CCDC47: variants seen among roughly 807,000 people sequenced by gnomAD.
The protein encoded by CCDC47 is coiled-coil domain containing 47, also known as PAT complex subunit CCDC47.
A neutral mutation model predicts 60.5 loss-of-function variants in CCDC47; 41 were observed. The ratio of observed to expected loss-of-function variants is 0.68; its 90% CI spans 0.53 to 0.88. The LOEUF (loss-of-function observed/expected upper bound fraction) is 0.88. CCDC47 is among the 40% of genes least tolerant of loss of function. CCDC47 has a pLI of 0.00. For missense variants in CCDC47, 513 were observed against 580.9 expected (o/e 0.88, Z 1.20); for synonymous variants, 195 against 190.7 (o/e 1.02, Z -0.18).
In CCDC47 at chr17:63,746,926, T is replaced by C; in HGVS notation, c.1407A>G (p.Glu469=). 6.2e-7 allele frequency: 1 copy of C among 1,613,744 alleles called. No homozygotes were observed. The highest frequency in any genetic ancestry group is 8.5e-7 in the Non-Finnish European group (1 of 1,179,814). Residue 469 remains glutamate (E), a synonymous_variant, in exon 13 of 13, where the codon GAA becomes GAG. Coordinates refer to ENST00000225726, the MANE Select transcript of CCDC47 (RefSeq NM_020198.3). ...AALRREQKKL[E]KKQMKMKQIK... ...TTTGTTTCATTTTCATTTGCTTCTT[T>C]TCCAACTTCTTTTGCTCACGCCTCA... is the stretch of plus-strand genomic sequence containing the variant.
At chr17:63,747,504 T>C (rs1176502990) in intron 12 of CCDC47, 8 of 978,662 alleles carry the variant, frequency 8.2e-6, no homozygotes, top group South Asian at 4.7e-5. Context: ...ATCAAATTTA[T>C]CATATTTTTA....
intron 12 of CCDC47, chr17:63,747,918 A>T (rs771495168): frequency 4.7e-5 from 16 of 341,458 alleles, no homozygotes; most frequent in Non-Finnish European, 6.6e-5. Flanking sequence ...GCAGTGGCAC[A>T]ATCTCGGGTC....
intron 3 of CCDC47, 128 bp from the exon 4 acceptor site, chr17:63,764,318 T>C: frequency 1.5e-6 from 1 of 689,160 alleles, no homozygotes; most frequent in Non-Finnish European, 2.4e-6. Flanking sequence ...TGAATAAGGT[T>C]ATACTTTGAA....
Position 63,745,898 on chromosome 17 carries a change from A to G in CCDC47, c.*983T>C, listed in dbSNP as rs1207716299. 6.6e-6 allele frequency: 1 copy of G among 152,244 alleles called. No individual in the cohort carries two copies. The allele number at this position is 152,244 out of a possible 1,614,324, so 9.4% of individuals were successfully genotyped here. ...AATAGTTTAGGAAAGCTCATTTTCAAAAGTATACTTACACATATTCATGGC... is the reference window on the plus strand; with the variant it reads ...AATAGTTTAGGAAAGCTCATTTTCAGAAGTATACTTACACATATTCATGGC... On this transcript the variant is annotated 3_prime_UTR_variant, in exon 13 of 13. Transcript: ENST00000225726.
At chr17:63,749,128 T>G (rs1362040301) in intron 12 of CCDC47, among the ~76,000 whole-genome samples, 1 of 151,724 alleles carries the variant, frequency 6.6e-6, no homozygotes, top group Non-Finnish European at 1.5e-5. Flanking sequence ...AAAAAATAGC[T>G]GGGCGTAGTG....
chr17:63,747,164 C>G, intron 12 of CCDC47: 1 of 982,434 alleles, frequency 1.0e-6, no homozygotes, highest in Non-Finnish European at 1.2e-6. Context: ...AAAATTAAAT[C>G]AACTTCAAAT....
chr17:63,753,543 G>C (rs780710430), intron 9 of CCDC47: 149 of 706,170 alleles, frequency 2.1e-4, no homozygotes, highest in Non-Finnish European at 2.5e-4. Flanking sequence ...GTCAGAACCA[G>C]TTTCAAACCG....
At position 63,766,912 on chromosome 17, in the gene CCDC47, G is replaced by A. The variant is rs1157144144; in HGVS notation, c.-19-718C>T. 8 of 983,540 alleles carry A rather than the reference G, an allele frequency of 8.1e-6. No homozygotes were observed. In the African/African-American group the frequency reaches 8.7e-5, roughly 11 times the overall value. 60.9% of individuals were successfully genotyped at this position (983,540 alleles called of 1,614,324 possible). On this transcript the variant is annotated intron_variant, in intron 1 of 12. Coordinates refer to ENST00000225726, the MANE Select transcript of CCDC47 (RefSeq NM_020198.3). ...ACAAGAATAATCCATGAATAAAAAA[G>A]CCATTCACCCTTAGATTGATTTGTG... is the stretch of plus-strand genomic sequence containing the variant.
chr17:63,767,887 T>A (rs2039308651), intron 1 of CCDC47, among the ~76,000 whole-genome samples: 1 of 152,180 alleles, frequency 6.6e-6, no homozygotes, highest in African/African-American at 2.4e-5. Flanking sequence ...AAGAACAAGA[T>A]ATCTAATGTT....
chr17:63,760,936 A>G lies in CCDC47; in HGVS notation c.713T>C (p.Met238Thr). 6.2e-7 allele frequency: 1 copy of G among 1,613,538 alleles called. No homozygotes were observed. The highest frequency in any genetic ancestry group is 1.1e-5 in the South Asian group (1 of 91,068). The change falls in exon 6 of 13, where the codon ATG (methionine) becomes ACG (threonine). Residue 238 changes from methionine (M) to threonine (T), a missense_variant. Coordinates refer to ENST00000225726, the MANE Select transcript of CCDC47 (RefSeq NM_020198.3). ...QDLLNVLARM[M>T]RPVSDQVQIK... is the part of the protein sequence containing the mutation. ...TACCACTTGATCACTCACTGGCCTCATCATCCGGGCCAGGACATTCAGTAA... is the reference window on the plus strand; with the variant it reads ...TACCACTTGATCACTCACTGGCCTCGTCATCCGGGCCAGGACATTCAGTAA...
Position 63,756,363 on chromosome 17 carries a change from G to A in CCDC47, c.838-13C>T. 6.2e-7 allele frequency: 1 copy of A among 1,602,616 alleles called. No homozygotes were observed. ...TACAAAACTCACTCTAGAGGAAGAA[G>A]TAATTGAAAGTAAGATATGACCTTT... On this transcript the variant is annotated splice_polypyrimidine_tract_variant and intron_variant, in intron 7 of 12. Transcript: ENST00000225726.
chr17:63,751,814 T>C, intron 12 of CCDC47, 126 bp downstream of exon 12: 1 of 902,884 alleles, frequency 1.1e-6, no homozygotes, highest in Non-Finnish European at 1.8e-6. Context: ...TATCAATTGA[T>C]ACAATGTCCC....
chr17:63,756,592 CA>C, intron 6 of CCDC47, 22 bp from the exon 7 acceptor site: 1 of 1,542,880 alleles, frequency 6.5e-7, no homozygotes, highest in Non-Finnish European at 9.0e-7. Flanking sequence ...ATGTAAAAAA[CA>C]ACAAAATTCA....
intron 11 of CCDC47, 61 bp downstream of exon 11, chr17:63,752,259 T>TC: frequency 7.1e-7 from 1 of 1,417,826 alleles, no homozygotes; most frequent in Non-Finnish European, 9.9e-7. Flanking sequence ...ATAGCTGCCC[T>TC]CCCCCTTGAG....
rs2039116461 is a variant in CCDC47 at position 63,745,845 on chromosome 17, G to A, written c.*1036C>T. ...TACATGGGCCTCTCCTCCAAGAGTT[G>A]GTTCCGCAAGAGGTGGAAAGAACTC... On this transcript the variant is annotated 3_prime_UTR_variant, in exon 13 of 13. Transcript: ENST00000225726. The A allele has an allele frequency of 6.6e-6, 1 of 152,216 alleles. No individual in the cohort carries two copies. The highest frequency in any genetic ancestry group is 1.9e-4 in the East Asian group (1 of 5,198). 9.4% of individuals were successfully genotyped at this position (152,216 alleles called of 1,614,324 possible).
intron 4 of CCDC47, among the ~76,000 whole-genome samples, chr17:63,763,659 A>G (rs1210954289): frequency 1.3e-5 from 2 of 148,222 alleles, no homozygotes; most frequent in African/African-American, 4.9e-5. Context: ...CCCCGACTCT[A>G]CTAAAAATAC....
intron 6 of CCDC47, among the ~76,000 whole-genome samples, chr17:63,760,044 C>A (rs2039245421): frequency 9.0e-6 from 1 of 111,132 alleles, no homozygotes. Flanking sequence ...AGCCTGGCAA[C>A]AGAGCAAGAC....
intron 1 of CCDC47, among the ~76,000 whole-genome samples, chr17:63,771,044 G>GAA (rs56323760): frequency 7.5e-6 from 1 of 133,872 alleles, no homozygotes; most frequent in Non-Finnish European, 1.6e-5. Flanking sequence ...AAGGAAGGAA[G>GAA]GAAGAAAGAA....
In CCDC47 at chr17:63,747,920, T is replaced by A. The variant is rs1455975403; in HGVS notation, c.1372-959A>T. On this transcript the variant is annotated intron_variant, in intron 12 of 12. Transcript: ENST00000225726. ...CCCAGGCTGGAGTGCAGTGGCACAA[T>A]CTCGGGTCATTGTAGCCTCTGCCTT... is the stretch of plus-strand genomic sequence containing the variant. 1.2e-5 allele frequency: 4 copies of A among 329,108 alleles called. No individual in the cohort carries two copies. The Admixed American group carries it at 2.6e-4, about 21-fold the overall frequency. The allele number at this position is 329,108 out of a possible 1,614,324, so 20.4% of individuals were successfully genotyped here.
Sources: gnomAD v4.1 joint callset for allele counts (sites outside exome capture counted in the v4.1 genomes callset) on GRCh38, gnomAD v4.1.1 for gene constraint, MANE v1.5 for transcripts, NCBI Gene and HGNC (gene_info 2026-07-23, HGNC 2026-07-21) for gene names.